RAD18: variants seen among roughly 807,000 people sequenced by gnomAD.
RAD18 encodes the protein E3 ubiquitin-protein ligase RAD18.
A neutral mutation model predicts 60.4 loss-of-function variants in RAD18; 47 were observed. The observed-to-expected ratio is 0.78, with a 90% confidence interval of 0.62 to 0.99. The LOEUF is 0.99. Ranked by LOEUF, RAD18 falls within the 50% of genes least tolerant of loss-of-function variation. RAD18 has a pLI of 0.00. For synonymous variants in RAD18, 225 were observed against 195.5 expected (o/e 1.15, Z -1.26); for missense variants, 640 against 593.3 (o/e 1.08, Z -0.82).
rs767082813 is a variant in RAD18, at chr3:8,936,043, T to C, written c.717A>G (p.Lys239=). ...ATACAGTTTTGGGCAGCGGCTTCCT[T>C]TTGTGAACAGAACTGAAAAGGGGGG... is the stretch of plus-strand genomic sequence containing the variant. ...KKESLRSSVH[K]RKPLPKTVYN... is the part of the protein sequence containing the mutation. The change falls in exon 7 of 13, where the codon AAA becomes AAG. Residue 239 remains lysine (K), a synonymous_variant. Transcript: ENST00000264926. 5.7e-6 allele frequency: 9 copies of C among 1,585,678 alleles called. No homozygotes were observed. Among genetic ancestry groups the C allele is most frequent in the South Asian group, 3.5e-5 (3 of 85,902 alleles).
At chr3:8,925,473 A>G (rs1305967357) in intron 7 of RAD18, among the ~76,000 whole-genome samples, 1 of 152,230 alleles carries the variant, frequency 6.6e-6, no homozygotes, top group Non-Finnish European at 1.5e-5. Context: ...GCCGAATTCC[A>G]CCAGAGGTAC....
chr3:8,926,068 T>A (rs1176573142), intron 7 of RAD18, among the ~76,000 whole-genome samples: 1 of 151,350 alleles, frequency 6.6e-6, no homozygotes, highest in Non-Finnish European at 1.5e-5. Flanking sequence ...CCAGGGCAAT[T>A]AGGCAGGAGA....
Position 8,879,430 on chromosome 3 carries a change from A to C in RAD18, c.*1927T>G, listed in dbSNP as rs1460489402. ...GAAAAGACCATGCAAGGACACCATG[A>C]GTGGAAGCCAAGGAGAGAGGCCGAA... On this transcript the variant is annotated 3_prime_UTR_variant, in exon 13 of 13. Transcript: ENST00000264926. The C allele has an allele frequency of 6.6e-6, 1 of 152,340 alleles. No homozygotes were observed. The highest frequency in any genetic ancestry group is 6.5e-5 in the Admixed American group (1 of 15,280). The allele number at this position is 152,340 out of a possible 1,614,324, so 9.4% of individuals were successfully genotyped here.
At chr3:8,919,124 C>A (rs1048892123) in intron 7 of RAD18, among the ~76,000 whole-genome samples, 32 of 152,304 alleles carry the variant, frequency 2.1e-4, no homozygotes, top group Middle Eastern at 3.4e-3. Flanking sequence ...GTATTCACAA[C>A]AGTCTCTAGG....
At chr3:8,881,572 T>C in intron 12 of RAD18, 113 bp from the exon 13 acceptor site, 1 of 772,798 alleles carries the variant, frequency 1.3e-6, no homozygotes, top group East Asian at 2.6e-5. Flanking sequence ...GAAATAATCC[T>C]CTATTCTGTT....
At chr3:8,926,272 A>ACAAG (rs1449232946) in intron 7 of RAD18, among the ~76,000 whole-genome samples, 2 of 151,952 alleles carry the variant, frequency 1.3e-5, no homozygotes, top group African/African-American at 4.8e-5. Flanking sequence ...CCAATAACAG[A>ACAAG]CAGAGAGCCA....
chr3:8,907,066 T>TGGGTTTCTCCTTCC (rs1940020631), intron 9 of RAD18, among the ~76,000 whole-genome samples: 1 of 152,210 alleles, frequency 6.6e-6, no homozygotes, highest in Admixed American at 6.5e-5. Flanking sequence ...CTTCCAGTAC[T>TGGGTTTCTCCTTCC]ATGTCCTGCA....
chr3:8,922,331 C>T (rs1940337580), intron 7 of RAD18, among the ~76,000 whole-genome samples: 1 of 152,180 alleles, frequency 6.6e-6, no homozygotes, highest in Non-Finnish European at 1.5e-5. Context: ...CACAGAGCCT[C>T]GCTCATTGCT....
At chr3:8,953,847 CA>C (rs34865856) in intron 2 of RAD18, among the ~76,000 whole-genome samples, 2 of 149,390 alleles carry the variant, frequency 1.3e-5, no homozygotes, top group African/African-American at 2.5e-5. Context: ...GATTTTGACT[CA>C]AAAAAAATTA....
chr3:8,960,766 T>C (rs921122038), intron 1 of RAD18, among the ~76,000 whole-genome samples: 2 of 152,206 alleles, frequency 1.3e-5, no homozygotes, highest in South Asian at 4.1e-4. Context: ...TCCCAAATTT[T>C]AAATGCACAA....
chr3:8,938,258 T>C (rs540765190), intron 6 of RAD18, among the ~76,000 whole-genome samples: 2 of 152,308 alleles, frequency 1.3e-5, no homozygotes, highest in South Asian at 2.1e-4. Flanking sequence ...TGGACTCAAG[T>C]ATGTCTACCT....
intron 1 of RAD18, among the ~76,000 whole-genome samples, 155 bp from the exon 2 acceptor site, chr3:8,959,156 G>A (rs747703820): frequency 6.6e-6 from 1 of 152,148 alleles, no homozygotes; most frequent in Non-Finnish European, 1.5e-5. Context: ...AAGGGATCTT[G>A]ACAAATAAAT....
intron 7 of RAD18, among the ~76,000 whole-genome samples, chr3:8,932,189 G>A (rs999961964): frequency 2.0e-4 from 30 of 151,946 alleles, no homozygotes; most frequent in Admixed American, 3.3e-4. Context: ...ATTAAATTTC[G>A]TCAAAATTAA....
intron 6 of RAD18, among the ~76,000 whole-genome samples, chr3:8,937,976 G>A (rs1364804484): frequency 6.6e-6 from 1 of 152,092 alleles, no homozygotes; most frequent in African/African-American, 2.4e-5. Flanking sequence ...TCGAACTGAT[G>A]GATGGATCTA....
intron 7 of RAD18, among the ~76,000 whole-genome samples, chr3:8,925,268 G>T (rs914707303): frequency 1.1e-4 from 17 of 152,122 alleles, no homozygotes; most frequent in Non-Finnish European, 2.5e-4. Context: ...TACCATCAGA[G>T]AATACTATAA....
At chr3:8,906,796 T>TTG (rs1249594988) in intron 9 of RAD18, among the ~76,000 whole-genome samples, 3 of 149,538 alleles carry the variant, frequency 2.0e-5, no homozygotes, top group Non-Finnish European at 4.4e-5. Context: ...GGGAAACAGT[T>TTG]TTTTTTTTTT....
At chr3:8,934,187 A>G (rs963291951) in intron 7 of RAD18, among the ~76,000 whole-genome samples, 6 of 152,152 alleles carry the variant, frequency 3.9e-5, no homozygotes, top group African/African-American at 1.2e-4. Flanking sequence ...AGAACAATAA[A>G]GTTTTAAAAG....
chr3:8,900,597 C>T (rs1939892434), intron 10 of RAD18, among the ~76,000 whole-genome samples: 1 of 152,032 alleles, frequency 6.6e-6, no homozygotes, highest in African/African-American at 2.4e-5. Flanking sequence ...AATAGAGCCC[C>T]GAAGAGTGAG....
chr3:8,923,820 C>T (rs1459594969), intron 7 of RAD18, among the ~76,000 whole-genome samples: 1 of 152,066 alleles, frequency 6.6e-6, no homozygotes, highest in Admixed American at 6.5e-5. Context: ...AACTAAGCTT[C>T]GTAAGTGAAG....
Sources: gnomAD v4.1 joint callset for allele counts (sites outside exome capture counted in the v4.1 genomes callset) on GRCh38, gnomAD v4.1.1 for gene constraint, MANE v1.5 for transcripts, NCBI Gene and HGNC (gene_info 2026-07-23, HGNC 2026-07-21) for gene names.